VAPB: variants seen among roughly 807,000 people sequenced by gnomAD.
VAPB encodes VAMP associated protein B and C, also known as vesicle-associated membrane protein-associated protein B/C.
VAPB carries 7 observed loss-of-function variants against 25.6 expected under a neutral mutation model. That is an observed-to-expected ratio of 0.27 (90% CI 0.16 to 0.51). The LOEUF (loss-of-function observed/expected upper bound fraction) is 0.51. VAPB is among the 20% of genes least tolerant of loss of function. The pLI, the probability that VAPB is intolerant of heterozygous loss-of-function variation, is 0.97. For missense variants in VAPB, 266 were observed against 301.3 expected (o/e 0.88, Z 0.87); for synonymous variants, 112 against 109.2 (o/e 1.03, Z -0.16).
chr20:58,445,528 T>G lies in VAPB; in HGVS notation c.*1293T>G. 2.2e-6 allele frequency: 1 copy of G among 454,420 alleles called. No homozygotes were observed. The allele number at this position is 454,420 out of a possible 1,614,324, so 28.1% of individuals were successfully genotyped here. On this transcript the variant is annotated 3_prime_UTR_variant, in exon 6 of 6. Coordinates refer to ENST00000475243, the MANE Select transcript of VAPB (RefSeq NM_004738.5). ...TATGTAGCATCTTGAAAAGAAAAATTATAATAAAGCCCCAAAATTAAGAAT... is the reference window on the plus strand; with the variant it reads ...TATGTAGCATCTTGAAAAGAAAAATGATAATAAAGCCCCAAAATTAAGAAT...
At chr20:58,405,577 C>T (rs1009197402) in intron 1 of VAPB, among the ~76,000 whole-genome samples, 4 of 150,384 alleles carry the variant, frequency 2.7e-5, no homozygotes, top group Non-Finnish European at 5.9e-5. Context: ...ATTCTCTTGC[C>T]TCAGCCTCCT....
chr20:58,428,730 A>C (rs766884312), intron 2 of VAPB, among the ~76,000 whole-genome samples: 2 of 152,248 alleles, frequency 1.3e-5, no homozygotes, highest in Non-Finnish European at 2.9e-5. Context: ...ATGGAGCTGA[A>C]AGAACTAATG....
chr20:58,425,179 C>A (rs1381905737), intron 2 of VAPB, among the ~76,000 whole-genome samples: 1 of 152,108 alleles, frequency 6.6e-6, no homozygotes, highest in African/African-American at 2.4e-5. Flanking sequence ...TCATTCCGAC[C>A]CTGTAAGCAC....
At chr20:58,395,159 T>G (rs1041971500) in intron 1 of VAPB, among the ~76,000 whole-genome samples, 1 of 150,994 alleles carries the variant, frequency 6.6e-6, no homozygotes, top group East Asian at 1.9e-4. Context: ...TGTCTTTTTT[T>G]TTTTTTTTTT....
intron 5 of VAPB, 88 bp from the exon 6 acceptor site, chr20:58,443,989 C>A: frequency 2.5e-6 from 4 of 1,586,694 alleles, no homozygotes; most frequent in Non-Finnish European, 3.5e-6. Flanking sequence ...CAACACTGGG[C>A]ATAAACAGCC....
At chr20:58,400,679 G>A (rs190324641) in intron 1 of VAPB, among the ~76,000 whole-genome samples, 1 of 151,968 alleles carries the variant, frequency 6.6e-6, no homozygotes, top group Admixed American at 6.6e-5. Flanking sequence ...TTTCTTTTCC[G>A]AGTACCCCAA....
chr20:58,439,943 A>G (rs1989126017), intron 4 of VAPB: 1 of 152,230 alleles, frequency 6.6e-6, no homozygotes, highest in South Asian at 2.1e-4. Context: ...TGGAGTTGGG[A>G]AACAGAAGTA....
Position 58,448,060 on chromosome 20 carries a change from T to C in VAPB, c.*3825T>C, listed in dbSNP as rs571841801. ...AAGGAGAAAGAACCAAACTGAACTA[T>C]GAAAAGTTACCACTCTGAGGAGACC... is the stretch of plus-strand genomic sequence containing the variant. On this transcript the variant is annotated 3_prime_UTR_variant, in exon 6 of 6. Coordinates refer to ENST00000475243, the MANE Select transcript of VAPB (RefSeq NM_004738.5). 2.2e-6 allele frequency: 1 copy of C among 453,996 alleles called. No individual in the cohort carries two copies. The highest frequency in any genetic ancestry group is 2.0e-5 in the African/African-American group (1 of 50,066). The allele number at this position is 453,996 out of a possible 1,614,324, so 28.1% of individuals were successfully genotyped here.
Position 58,389,423 on chromosome 20 carries a change from G to A in VAPB, c.-37G>A, listed in dbSNP as rs1987726047. The A allele has an allele frequency of 6.4e-7, 1 of 1,572,972 alleles. No individual in the cohort carries two copies. Among genetic ancestry groups the A allele is most frequent in the Non-Finnish European group, 8.6e-7 (1 of 1,159,442 alleles). On this transcript the variant is annotated 5_prime_UTR_variant, in exon 1 of 6. Transcript: ENST00000475243. ...GCTTCCCGCCCCGGTGACCTCTCAG[G>A]GGTCTCCCCGCCAAAGGTGCTCCGC...
chr20:58,423,440 A>AAAAAAAAAAAAAAAAAAAAAAAAAAC, intron 2 of VAPB, among the ~76,000 whole-genome samples: 1 of 149,666 alleles, frequency 6.7e-6, no homozygotes, highest in Non-Finnish European at 1.5e-5. Flanking sequence ...AAAAAAAAAA[A>AAAAAAAAAAAAAAAAAAAAAAAAAAC]AAAAAAAAAG....
At chr20:58,434,404 C>T (rs1007690488) in intron 2 of VAPB, among the ~76,000 whole-genome samples, 198 bp from the exon 3 acceptor site, 19 of 152,140 alleles carry the variant, frequency 1.2e-4, no homozygotes, top group African/African-American at 3.9e-4. Flanking sequence ...CTCTGTCATG[C>T]GTGATTTTGT....
chr20:58,404,782 AT>A (rs1399146311), intron 1 of VAPB, among the ~76,000 whole-genome samples: 8 of 151,956 alleles, frequency 5.3e-5, no homozygotes, highest in African/African-American at 1.9e-4. Context: ...AGAGATTCTG[AT>A]TCATTAATTC....
At chr20:58,413,474 C>T (rs1988430432) in intron 1 of VAPB, among the ~76,000 whole-genome samples, 1 of 152,178 alleles carries the variant, frequency 6.6e-6, no homozygotes, top group Non-Finnish European at 1.5e-5. Flanking sequence ...GGTAAGGTCA[C>T]CGATCAACAG....
In VAPB at chr20:58,448,535, A is replaced by G. The variant is rs1989353127; in HGVS notation, c.*4300A>G. 2 of 453,956 alleles carry G rather than the reference A, an allele frequency of 4.4e-6. No homozygotes were observed. Among genetic ancestry groups the G allele is most frequent in the Admixed American group, 2.4e-5 (1 of 42,550 alleles). The allele number at this position is 453,956 out of a possible 1,614,324, so 28.1% of individuals were successfully genotyped here. On this transcript the variant is annotated 3_prime_UTR_variant, in exon 6 of 6. Transcript: ENST00000475243. Reference sequence around the variant, plus strand: ...AGGCTCCAGGAGGTTAAATCGGGCAACTTTTTAGAACTAAATCAGTCTCTG... The same window carrying G: ...AGGCTCCAGGAGGTTAAATCGGGCAGCTTTTTAGAACTAAATCAGTCTCTG...
chr20:58,395,058 A>G (rs1987914871), intron 1 of VAPB, among the ~76,000 whole-genome samples: 1 of 152,092 alleles, frequency 6.6e-6, no homozygotes, highest in Admixed American at 6.5e-5. Flanking sequence ...TCAAGGGAGT[A>G]TATTATATTG....
rs965823374 is a variant in VAPB at position 58,449,683 on chromosome 20, T to G, written c.*5448T>G. 4.8e-5 allele frequency: 22 copies of G among 454,126 alleles called. No homozygotes were observed. Among genetic ancestry groups the G allele is most frequent in the African/African-American group, 4.4e-4 (22 of 50,132 alleles). The allele number at this position is 454,126 out of a possible 1,614,324, so 28.1% of individuals were successfully genotyped here. On this transcript the variant is annotated 3_prime_UTR_variant, in exon 6 of 6. Coordinates refer to ENST00000475243, the MANE Select transcript of VAPB (RefSeq NM_004738.5). ...CTAGATAAATGCTGATGTTTATTTT[T>G]AAACCAGGAAACATTGATCCTGTAA...
chr20:58,397,058 T>G (rs1005265203), intron 1 of VAPB, among the ~76,000 whole-genome samples: 26 of 152,196 alleles, frequency 1.7e-4, no homozygotes, highest in African/African-American at 5.8e-4. Context: ...GTCAGGACAA[T>G]TTCTTAAGAA....
At position 58,448,140 on chromosome 20, in the gene VAPB, A is replaced by C. The variant is rs1989341270; in HGVS notation, c.*3905A>C. On this transcript the variant is annotated 3_prime_UTR_variant, in exon 6 of 6. Coordinates refer to ENST00000475243, the MANE Select transcript of VAPB (RefSeq NM_004738.5). Reference sequence around the variant, plus strand: ...GCTGTTGTTGAGAAGGAGTGTTCTCAAAGATGAGCTGGAATGGAATTGTAT... The same window carrying C: ...GCTGTTGTTGAGAAGGAGTGTTCTCCAAGATGAGCTGGAATGGAATTGTAT... 2.2e-6 allele frequency: 1 copy of C among 453,972 alleles called. No individual in the cohort carries two copies. Among genetic ancestry groups the C allele is most frequent in the African/African-American group, 2.0e-5 (1 of 50,004 alleles). 28.1% of individuals were successfully genotyped at this position (453,972 alleles called of 1,614,324 possible).
intron 1 of VAPB, among the ~76,000 whole-genome samples, chr20:58,410,895 C>G (rs1025758383): frequency 6.6e-6 from 1 of 152,166 alleles, no homozygotes; most frequent in African/African-American, 2.4e-5. Context: ...TAGCACTGAG[C>G]ACTATTTCAG....
Sources: gnomAD v4.1 joint callset for allele counts (sites outside exome capture counted in the v4.1 genomes callset) on GRCh38, gnomAD v4.1.1 for gene constraint, MANE v1.5 for transcripts, NCBI Gene and HGNC (gene_info 2026-07-23, HGNC 2026-07-21) for gene names.